The following TYW5 variants were observed in gnomAD, a reference collection of about 807,000 sequenced individuals.
TYW5 encodes tRNA-yW synthesizing protein 5.
In TYW5, 36 loss-of-function variants were observed where a neutral mutation model predicts 44.4. The observed-to-expected ratio is 0.81, with a 90% confidence interval of 0.62 to 1.07. The LOEUF (loss-of-function observed/expected upper bound fraction) is 1.07. Ranked by LOEUF, TYW5 falls within the 50% of genes least tolerant of loss-of-function variation. The probability of loss-of-function intolerance (pLI) is 0.00; values close to 1 mark genes in which losing one functional copy is unlikely to be tolerated. For missense variants in TYW5, 354 were observed against 365.7 expected (o/e 0.97, Z 0.26); for synonymous variants, 121 against 128.1 (o/e 0.94, Z 0.37).
At chr2:199,953,648 TAC>T (rs2077566010) in intron 1 of TYW5, among the ~76,000 whole-genome samples, 1 of 152,384 alleles carries the variant, frequency 6.6e-6, no homozygotes, top group East Asian at 1.9e-4. Context: ...CTGTACAATA[TAC>T]AGTGTTAATT....
rs1233313812 is a variant in TYW5 at position 199,929,316 on chromosome 2, C to T, written c.*3751G>A. ...CAAACCTGCACGTTGTGCACATGTA[C>T]CCTAGAACTTAAAAGTATAATAAAA... On this transcript the variant is annotated 3_prime_UTR_variant, in exon 8 of 8. Transcript: ENST00000354611. Among the ~76,000 whole-genome samples the T allele has an allele frequency of 1.3e-5, 2 of 152,014 alleles. No individual in the cohort carries two copies. The highest frequency in any genetic ancestry group is 2.4e-5 in the African/African-American group (1 of 41,392).
chr2:199,935,853 AAAAAAAAATC>A (rs2077416322), intron 7 of TYW5, 68 bp downstream of exon 7: 7 of 987,504 alleles, frequency 7.1e-6, no homozygotes, highest in Non-Finnish European at 9.4e-6. Flanking sequence ...TTGTACTAAA[AAAAAAAAATC>A]ACATGAAGGA....
At chr2:199,948,585 A>G in intron 1 of TYW5, 113 bp from the exon 2 acceptor site, 1 of 1,017,334 alleles carries the variant, frequency 9.8e-7, no homozygotes. Context: ...TGCTCCCAAG[A>G]TGCTTGAACT....
intron 7 of TYW5, among the ~76,000 whole-genome samples, chr2:199,935,719 A>AACACAC (rs142361195): frequency 2.2e-4 from 30 of 138,104 alleles, no homozygotes; most frequent in African/African-American, 4.5e-4. Context: ...GCCTGCTTTA[A>AACACAC]ACACACACAC....
At chr2:199,939,152 T>G in intron 4 of TYW5, 82 bp from the exon 5 acceptor site, 2 of 1,263,048 alleles carry the variant, frequency 1.6e-6, no homozygotes, top group Non-Finnish European at 2.2e-6. Context: ...CTTTGTTCAC[T>G]GCTTTAAAAT....
chr2:199,942,617 C>T (rs890730638), intron 3 of TYW5: 1 of 152,114 alleles, frequency 6.6e-6, no homozygotes, highest in Non-Finnish European at 1.5e-5. Flanking sequence ...AAACAGTTCT[C>T]AGGTGCAGCT....
At chr2:199,949,451 A>G (rs1399227312) in intron 1 of TYW5, among the ~76,000 whole-genome samples, 1 of 152,186 alleles carries the variant, frequency 6.6e-6, no homozygotes, top group African/African-American at 2.4e-5. Flanking sequence ...AATTGTCCCA[A>G]TGATTTCCTT....
chr2:199,953,661 A>C (rs1161257283), intron 1 of TYW5, among the ~76,000 whole-genome samples: 3 of 152,228 alleles, frequency 2.0e-5, no homozygotes, highest in Non-Finnish European at 4.4e-5. Flanking sequence ...AGTGTTAATT[A>C]TGGAGTTATT....
At chr2:199,945,386 T>C (rs2077496347) in intron 2 of TYW5, 2 of 152,246 alleles carry the variant, frequency 1.3e-5, no homozygotes, top group Non-Finnish European at 2.9e-5. Context: ...TATGTCAGTC[T>C]GAACTTGAGG....
chr2:199,933,406 G>T, intron 7 of TYW5, 83 bp from the exon 8 acceptor site: 1 of 1,147,614 alleles, frequency 8.7e-7, no homozygotes, highest in Non-Finnish European at 1.2e-6. Flanking sequence ...ATCACGAATT[G>T]CATATAGCCA....
intron 1 of TYW5, among the ~76,000 whole-genome samples, chr2:199,954,518 G>A (rs962016185): frequency 6.6e-6 from 1 of 151,790 alleles, no homozygotes. Flanking sequence ...TGCAACCTCC[G>A]CCTCCCGGGT....
rs1380395324 is a variant in TYW5, at chr2:199,930,230, G to A, written c.*2837C>T. On this transcript the variant is annotated 3_prime_UTR_variant, in exon 8 of 8. Coordinates refer to ENST00000354611, the MANE Select transcript of TYW5 (RefSeq NM_001039693.3). ...GAGTTCAGATGATCCACCCACCTCG[G>A]TGCATATAGTATTTTTAAAATGTAT... is the stretch of plus-strand genomic sequence containing the variant. 2.6e-5 allele frequency: 4 copies of A among 152,052 alleles called. No homozygotes were observed. Among genetic ancestry groups the A allele is most frequent in the Non-Finnish European group, 5.9e-5 (4 of 68,022 alleles). 9.4% of individuals were successfully genotyped at this position (152,052 alleles called of 1,614,324 possible). A position where few individuals can be genotyped will look rare whatever the true frequency, so the allele number is the denominator to read the frequency against.
intron 1 of TYW5, among the ~76,000 whole-genome samples, chr2:199,954,844 C>G (rs746365603): frequency 6.6e-6 from 1 of 152,132 alleles, no homozygotes; most frequent in East Asian, 1.9e-4. Context: ...CTTTTAATAC[C>G]TTGTTTTTCT....
rs749409407 is a variant in TYW5, at chr2:199,936,431, C to T, written c.548G>A (p.Arg183Gln). Reference protein sequence around the residue: ...GKKRVVLFSPRDAQYLYLKGT... With the variant: ...GKKRVVLFSPQDAQYLYLKGT... Reference sequence around the variant, plus strand: ...TTTTAAATATAAATACTGGGCATCTCGAGGACTGAAGAGTACAACACGCTT... The same window carrying T: ...TTTTAAATATAAATACTGGGCATCTTGAGGACTGAAGAGTACAACACGCTT... The change falls in exon 6 of 8, where the codon CGA becomes CAA. Residue 183 changes from arginine (R) to glutamine (Q), a missense_variant. By Grantham distance (43) the Arg-to-Gln change is conservative. Coordinates refer to ENST00000354611, the MANE Select transcript of TYW5 (RefSeq NM_001039693.3). 3.7e-6 allele frequency: 6 copies of T among 1,613,110 alleles called. No homozygotes were observed. The highest frequency in any genetic ancestry group is 1.1e-5 in the South Asian group (1 of 90,984).
At chr2:199,938,247 GT>G (rs1374918953) in intron 5 of TYW5, among the ~76,000 whole-genome samples, 8 of 151,926 alleles carry the variant, frequency 5.3e-5, no homozygotes, top group Admixed American at 1.3e-4. Flanking sequence ...TGTATTTTTA[GT>G]AGGTACGGGG....
intron 7 of TYW5, among the ~76,000 whole-genome samples, chr2:199,935,510 A>AATTT (rs1019833459): frequency 6.6e-5 from 10 of 151,208 alleles, no homozygotes; most frequent in African/African-American, 2.4e-4. Flanking sequence ...TGCCTGACTA[A>AATTT]ATTTATTTAT....
intron 1 of TYW5, among the ~76,000 whole-genome samples, chr2:199,952,767 C>A (rs1309422500): frequency 6.6e-6 from 1 of 152,204 alleles, no homozygotes; most frequent in African/African-American, 2.4e-5. Flanking sequence ...TTTCTACTAG[C>A]ACTTGTGTAG....
intron 1 of TYW5, among the ~76,000 whole-genome samples, chr2:199,953,180 G>A (rs2077560201): frequency 2.0e-5 from 3 of 152,086 alleles, no homozygotes; most frequent in Admixed American, 6.5e-5. Flanking sequence ...AAAATTAGCC[G>A]GACGTCGGGG....
chr2:199,951,428 T>C (rs1251595734), intron 1 of TYW5, among the ~76,000 whole-genome samples: 1 of 152,202 alleles, frequency 6.6e-6, no homozygotes, highest in Non-Finnish European at 1.5e-5. Flanking sequence ...TATTCTATAT[T>C]AGGGTCTTTT....
Sources: gnomAD v4.1 joint callset for allele counts (sites outside exome capture counted in the v4.1 genomes callset) on GRCh38, gnomAD v4.1.1 for gene constraint, MANE v1.5 for transcripts, NCBI Gene and HGNC (gene_info 2026-07-23, HGNC 2026-07-21) for gene names.